TSEN15: variants seen among roughly 807,000 people sequenced by gnomAD.
The protein encoded by TSEN15 is tRNA splicing endonuclease subunit 15.
TSEN15 carries 10 observed loss-of-function variants against 20.5 expected under a neutral mutation model. That is an observed-to-expected ratio of 0.49 (90% CI 0.30 to 0.83). The LOEUF (loss-of-function observed/expected upper bound fraction) is 0.83. Among genes scored for constraint, TSEN15 ranks in the 40% least tolerant of loss-of-function variants. The pLI is 0.06. For synonymous variants in TSEN15, 72 were observed against 80.1 expected (o/e 0.90, Z 0.54); for missense variants, 180 against 218.6 (o/e 0.82, Z 1.11).
chr1:184,078,210 T>A (rs1651100991), downstream of TSEN15, among the ~76,000 whole-genome samples: 1 of 152,178 alleles, frequency 6.6e-6, no homozygotes, highest in African/African-American at 2.4e-5. Context: ...AGCAAAAAGA[T>A]TATTACTTGC....
At chr1:184,086,773 G>A (rs1196636739) in intron 3 of TSEN15, among the ~76,000 whole-genome samples, 1 of 152,202 alleles carries the variant, frequency 6.6e-6, no homozygotes, top group Non-Finnish European at 1.5e-5. Context: ...GCTAGAGAGA[G>A]CACGAGAGAG....
At chr1:184,053,404 A>G (rs1650123488) in intron 1 of TSEN15, among the ~76,000 whole-genome samples, 1 of 152,170 alleles carries the variant, frequency 6.6e-6, no homozygotes, top group African/African-American at 2.4e-5. Context: ...TGATAAAATC[A>G]CATGTTTAGC....
Position 184,094,959 on chromosome 1 carries a change from C to T in TSEN15, c.354-731C>T, listed in dbSNP as rs561938747. 9.3e-4 allele frequency: 371 copies of T among 398,482 alleles called. 7 individuals carry two copies. The East Asian group carries it at 0.013, about 14-fold the overall frequency. 24.7% of individuals were successfully genotyped at this position (398,482 alleles called of 1,614,324 possible). A position where few individuals can be genotyped will look rare whatever the true frequency, so the allele number is the denominator to read the frequency against. ...CCTCTGAGGAGTGTAGCACCAAACA[C>T]GGACCCAAAAGCACCCCTCAGAAAA... On this transcript the variant is annotated intron_variant, in intron 3 of 3. Transcript: ENST00000643231.
chr1:184,067,971 T>TATATATATATATATAC (rs1557883607), intron 3 of TSEN15, among the ~76,000 whole-genome samples: 2 of 133,152 alleles, frequency 1.5e-5, no homozygotes, highest in African/African-American at 5.5e-5. Context: ...TATATATATA[T>TATATATATATATATAC]GTACATATGT....
chr1:184,064,724 G>A (rs928318432), intron 3 of TSEN15, among the ~76,000 whole-genome samples: 1 of 152,084 alleles, frequency 6.6e-6, no homozygotes, highest in Non-Finnish European at 1.5e-5. Context: ...AGAATATTAG[G>A]AATTGTAATG....
intron 3 of TSEN15, 86 bp from the exon 4 acceptor site, chr1:184,072,071 T>C: frequency 7.2e-7 from 1 of 1,396,524 alleles, no homozygotes; most frequent in Non-Finnish European, 9.6e-7. Context: ...TGTGACCTGT[T>C]TTCAAGTTTT....
rs1490465609 is a variant in TSEN15 at position 184,073,427 on chromosome 1, TGTGTCTTAAGTAACTTAC to T, written c.*595_*612del. On this transcript the variant is annotated 3_prime_UTR_variant, in exon 5 of 5. Transcript: ENST00000645668. ...AAACTCAAAATATGTTCATCCAGAG[TGTGTCTTAAGTAACTTAC>T]GTGTCTTAAGTAACAGGGACCAGAG... is the stretch of plus-strand genomic sequence containing the variant. 1 of 152,644 alleles carries T rather than the reference TGTGTCTTAAGTAACTTAC, an allele frequency of 6.6e-6. No homozygotes were observed. The highest frequency in any genetic ancestry group is 1.5e-5 in the Non-Finnish European group (1 of 68,090). The allele number at this position is 152,644 out of a possible 1,614,324, so 9.5% of individuals were successfully genotyped here. A position where few individuals can be genotyped will look rare whatever the true frequency, so the allele number is the denominator to read the frequency against.
intron 3 of TSEN15, among the ~76,000 whole-genome samples, chr1:184,056,888 A>G (rs1261995075): frequency 6.6e-6 from 1 of 152,114 alleles, no homozygotes; most frequent in South Asian, 2.1e-4. Flanking sequence ...CTTGCTTGGT[A>G]AGAAGTCTTG....
At chr1:184,060,144 G>A (rs1172255163) in intron 3 of TSEN15, among the ~76,000 whole-genome samples, 1 of 152,236 alleles carries the variant, frequency 6.6e-6, no homozygotes, top group African/African-American at 2.4e-5. Context: ...TATAAAATGT[G>A]TTTGTGTTGT....
intron 3 of TSEN15, 192 bp from the exon 4 acceptor site, chr1:184,071,965 T>G: frequency 2.1e-6 from 1 of 472,174 alleles, no homozygotes; most frequent in African/African-American, 2.0e-5. Flanking sequence ...GTGATTCCAA[T>G]TATGTGTAAT....
intron 3 of TSEN15, among the ~76,000 whole-genome samples, chr1:184,067,595 C>G (rs1035076860): frequency 2.0e-5 from 3 of 152,012 alleles, no homozygotes; most frequent in South Asian, 2.1e-4. Context: ...CTATAAGCAA[C>G]CTTTTAAGAA....
At chr1:184,059,562 G>A (rs150306510) in intron 3 of TSEN15, among the ~76,000 whole-genome samples, 1 of 152,148 alleles carries the variant, frequency 6.6e-6, no homozygotes, top group Middle Eastern at 3.4e-3. Context: ...GCTGGGACAT[G>A]TATACCTTTA....
At chr1:184,057,271 G>C (rs116779763) in intron 3 of TSEN15, among the ~76,000 whole-genome samples, 2,542 of 152,186 alleles carry the variant, frequency 0.017, 62 homozygotes, top group African/African-American at 0.054. Context: ...TAGTGGAGGA[G>C]AGTAATATTG....
chr1:184,051,935 C>T (rs376251391), intron 1 of TSEN15, 45 bp downstream of exon 1: 1 of 1,464,178 alleles, frequency 6.8e-7, no homozygotes, highest in East Asian at 2.7e-5. Context: ...GGCCCCTAAC[C>T]CAGGCAGAAC....
At chr1:184,058,143 ATTT>A (rs1378752954) in intron 3 of TSEN15, 4 of 426,102 alleles carry the variant, frequency 9.4e-6, no homozygotes, top group Non-Finnish European at 1.9e-5. Context: ...TCCATTGTTA[ATTT>A]CTAGTATTTT....
At chr1:184,089,782 G>A (rs1175904232) in intron 3 of TSEN15, among the ~76,000 whole-genome samples, 2 of 152,076 alleles carry the variant, frequency 1.3e-5, no homozygotes, top group African/African-American at 4.8e-5. Flanking sequence ...GGAGGAAAAT[G>A]TATGGAATTC....
rs563250652 is a variant in TSEN15, at chr1:184,073,193, C to T, written c.*346C>T. The T allele has an allele frequency of 2.5e-4, 54 of 215,748 alleles. No homozygotes were observed. Among genetic ancestry groups the T allele is most frequent in the African/African-American group, 9.8e-4 (43 of 43,766 alleles). 13.4% of individuals were successfully genotyped at this position (215,748 alleles called of 1,614,324 possible). A position where few individuals can be genotyped will look rare whatever the true frequency, so the allele number is the denominator to read the frequency against. On this transcript the variant is annotated 3_prime_UTR_variant, in exon 5 of 5. Transcript: ENST00000645668. ...CTTTGTTTCTTGCTGCCACTGCCAG[C>T]TCATTGTTGAGACTGCCATTTCTTT...
chr1:184,060,703 G>GT (rs1434553533), intron 3 of TSEN15, among the ~76,000 whole-genome samples: 1 of 152,108 alleles, frequency 6.6e-6, no homozygotes, highest in African/African-American at 2.4e-5. Flanking sequence ...AAAAAGCTGA[G>GT]GTTAAAAGTA....
downstream of TSEN15, among the ~76,000 whole-genome samples, chr1:184,075,965 G>A (rs1459272324): frequency 6.7e-6 from 1 of 148,788 alleles, no homozygotes; most frequent in Non-Finnish European, 1.5e-5. Flanking sequence ...CATTCTAAAA[G>A]CCTAATTTAT....
Sources: gnomAD v4.1 joint callset for allele counts (sites outside exome capture counted in the v4.1 genomes callset) on GRCh38, gnomAD v4.1.1 for gene constraint, MANE v1.5 for transcripts, NCBI Gene and HGNC (gene_info 2026-07-23, HGNC 2026-07-21) for gene names.